Variants in TCP11 observed in about 807,000 individuals in gnomAD.
The protein encoded by TCP11 is T-complex protein 11 homolog.
A neutral mutation model predicts 45.0 loss-of-function variants in TCP11; 34 were observed. The observed-to-expected ratio is 0.76, with a 90% CI of 0.57 to 1.01. The LOEUF (loss-of-function observed/expected upper bound fraction) is 1.01. Ranked by LOEUF, TCP11 falls within the 50% of genes least tolerant of loss-of-function variation. The probability of loss-of-function intolerance (pLI) is 0.00; values close to 1 mark genes in which losing one functional copy is unlikely to be tolerated. For synonymous variants in TCP11, 227 were observed against 227.0 expected, an observed-to-expected ratio of 1.00 and a Z score of 0.00; for missense variants, 523 against 598.1, an observed-to-expected ratio of 0.87 and a Z score of 1.31.
Position 35,120,494 on chromosome 6 carries a change from T to A in TCP11, c.868A>T (p.Met290Leu). 1 of 1,613,478 alleles carries A rather than the reference T, an allele frequency of 6.2e-7. No homozygotes were observed. Among genetic ancestry groups the A allele is most frequent in the East Asian group, 2.2e-5 (1 of 44,872 alleles). The change falls in exon 7 of 10, where the codon ATG becomes TTG. Residue 290 changes from methionine (M) to leucine (L), a missense_variant. Physicochemically the swap from Met to Leu is conservative, Grantham distance 15 (BLOSUM62 2). This residue lies in a region of TCP11 where 298 missense variants were observed against 387.9 expected (regional missense o/e 0.77). Coordinates refer to ENST00000311875, the MANE Select transcript of TCP11 (RefSeq NM_001370687.1). The surrounding 1 kb of genome is among the most constrained non-coding windows in gnomAD (Gnocchi z 4.9). ...TTCAAGAAGCCCTGACACAGCACCA[T>A]TGTGGGGCTGAGGGGCTCTGGGTTG... ...ANNPEPLSPT[M>L]VLCQGFLNLL...
chr6:35,119,435 T>C (rs377136330), intron 8 of TCP11, 44 bp from the exon 9 acceptor site: 5 of 1,603,638 alleles, frequency 3.1e-6, no homozygotes, highest in South Asian at 1.1e-5. Context: ...CAGGTAACCC[T>C]GGCATAGGCC....
intron 2 of TCP11, among the ~76,000 whole-genome samples, chr6:35,139,229 C>T (rs373584491): frequency 6.7e-6 from 1 of 149,470 alleles, no homozygotes; most frequent in South Asian, 2.1e-4. Context: ...TCAACAACAA[C>T]AAAAATTAAA....
rs758899696 is a variant in TCP11, at chr6:35,139,306, C to T, written c.124+1441G>A. Among the ~76,000 whole-genome samples the T allele has an allele frequency of 4.6e-5, 7 of 151,976 alleles. No homozygotes were observed. In the East Asian group the frequency reaches 5.8e-4, roughly 13 times the overall value. ...ATACAGGGAGAGAGAAAAAGCAATA[C>T]GGCAGAATATTAACACTGTGGGCAT... is the stretch of plus-strand genomic sequence containing the variant. On this transcript the variant is annotated intron_variant, in intron 2 of 9. Coordinates refer to ENST00000311875, the MANE Select transcript of TCP11 (RefSeq NM_001370687.1).
chr6:35,127,752 G>A (rs1779992939), intron 4 of TCP11, among the ~76,000 whole-genome samples: 1 of 152,130 alleles, frequency 6.6e-6, no homozygotes, highest in African/African-American at 2.4e-5. Flanking sequence ...AACTATTTGG[G>A]CCATGTCTCC....
chr6:35,125,850 A>G lies in TCP11; in HGVS notation c.357+3212T>C, dbSNP rs574861973. On this transcript the variant is annotated intron_variant, in intron 4 of 9. Transcript: ENST00000311875. ...CCATAAAAAGGAATTACATTCTGAT[A>G]TATGCTACAATATGGATGGACCTTT... 1.5e-3 allele frequency among the ~76,000 whole-genome samples: 225 copies of G among 152,384 alleles called. 4 individuals carry two copies. The highest frequency in any genetic ancestry group is 5.0e-3 in the African/African-American group (210 of 41,594).
chr6:35,127,657 G>A (rs1459074558), intron 4 of TCP11, among the ~76,000 whole-genome samples: 1 of 152,168 alleles, frequency 6.6e-6, no homozygotes, highest in Non-Finnish European at 1.5e-5. Flanking sequence ...GTTGTTAGAA[G>A]TTAAATTTTA....
At chr6:35,139,367 G>A (rs1781472727) in intron 2 of TCP11, among the ~76,000 whole-genome samples, 1 of 151,988 alleles carries the variant, frequency 6.6e-6, no homozygotes, top group African/African-American at 2.4e-5. Context: ...GCAGACTTAC[G>A]ATATTTAAAA....
At chr6:35,139,997 A>G (rs34103100) in intron 2 of TCP11, 24 of 1,613,268 alleles carry the variant, frequency 1.5e-5, no homozygotes, top group Non-Finnish European at 6.8e-6. Context: ...TGTGTGTACA[A>G]AAAAACGGAT....
At chr6:35,130,789 T>C (rs1780339012) in intron 3 of TCP11, among the ~76,000 whole-genome samples, 1 of 152,224 alleles carries the variant, frequency 6.6e-6, no homozygotes, top group Non-Finnish European at 1.5e-5. Flanking sequence ...ACAACCAGTT[T>C]GGAAGGCAGC....
rs1032886319 is a variant in TCP11 at position 35,136,227 on chromosome 6, G to C, written c.125-9C>G. 4.4e-6 allele frequency: 7 copies of C among 1,602,506 alleles called. No homozygotes were observed. In the African/African-American group the frequency reaches 6.7e-5, roughly 15 times the overall value. ...ACCTGTGACAGAAAGAACTGATGGT[G>C]GACAACAATGAGCCCATGCAAGTCT... On this transcript the variant is annotated splice_polypyrimidine_tract_variant and intron_variant, in intron 2 of 9. Coordinates refer to ENST00000311875, the MANE Select transcript of TCP11 (RefSeq NM_001370687.1).
At position 35,136,144 on chromosome 6, in the gene TCP11, C is replaced by T; in HGVS notation, c.199G>A (p.Asp67Asn). The T allele has an allele frequency of 1.9e-6, 3 of 1,613,774 alleles. No individual in the cohort carries two copies. The highest frequency in any genetic ancestry group is 2.5e-6 in the Non-Finnish European group (3 of 1,179,834). ...AAAACCTTCTCTTCCATGTAGTAAT[C>T]ACAATTCATCCCAATCTTGTTGCTC... Reference protein sequence around the residue: ...KLSNKIGMNCDYYMEEKVLPP... With the variant: ...KLSNKIGMNCNYYMEEKVLPP... The change falls in exon 3 of 10, where the codon GAT becomes AAT. Residue 67 changes from aspartate (D) to asparagine (N), a missense_variant. Asp to Asn is a conservative substitution (Grantham distance 23). Transcript: ENST00000311875.
intron 2 of TCP11, among the ~76,000 whole-genome samples, chr6:35,136,571 T>A (rs1781141759): frequency 1.1e-5 from 1 of 91,468 alleles, no homozygotes; most frequent in African/African-American, 4.5e-5. Flanking sequence ...GTATTAAGGT[T>A]CCACGTTCCT....
intron 3 of TCP11, among the ~76,000 whole-genome samples, chr6:35,131,090 T>C (rs1002356988): frequency 6.6e-6 from 1 of 152,088 alleles, no homozygotes; most frequent in African/African-American, 2.4e-5. Flanking sequence ...CTGACCAACA[T>C]GGTGAAAACC....
intron 2 of TCP11, among the ~76,000 whole-genome samples, chr6:35,139,467 A>G (rs185508670): frequency 9.2e-5 from 14 of 152,326 alleles, no homozygotes; most frequent in Admixed American, 9.1e-4. Context: ...CCTTAAGTGG[A>G]CGCTTGAGGT....
At chr6:35,133,573 C>T (rs774384204) in intron 3 of TCP11, among the ~76,000 whole-genome samples, 5 of 151,910 alleles carry the variant, frequency 3.3e-5, no homozygotes, top group Non-Finnish European at 7.4e-5. Flanking sequence ...GGGTGGATCA[C>T]GAGGTCAAGA....
In TCP11 at chr6:35,120,750, T is replaced by C; in HGVS notation, c.716-104A>G. On this transcript the variant is annotated intron_variant, in intron 6 of 9. Transcript: ENST00000311875. This position sits in a 1 kb window ranked among gnomAD's most constrained non-coding sequence, Gnocchi z 4.9. ...ATACTCCTGGTCAATAAATAAATGC[T>C]TTGAGGGTCTTTCTGTCTTAGATAA... 1 of 1,404,062 alleles carries C rather than the reference T, an allele frequency of 7.1e-7. No individual in the cohort carries two copies. The highest frequency in any genetic ancestry group is 1.4e-5 in the South Asian group (1 of 71,722). The allele number at this position is 1,404,062 out of a possible 1,614,324, so 87.0% of individuals were successfully genotyped here.
chr6:35,130,025 C>G (rs1780226316), intron 3 of TCP11, among the ~76,000 whole-genome samples: 1 of 152,100 alleles, frequency 6.6e-6, no homozygotes, highest in South Asian at 2.1e-4. Context: ...TCAAGAAATC[C>G]ACTTGCCTCT....
Position 35,118,264 on chromosome 6 carries a change from C to A in TCP11, c.*5G>T, listed in dbSNP as rs775267768. On this transcript the variant is annotated 3_prime_UTR_variant, in exon 10 of 10. Coordinates refer to ENST00000311875, the MANE Select transcript of TCP11 (RefSeq NM_001370687.1). ...CCAAGGTACCAGGGCTCTGAGCCGA[C>A]GCTATCAAACAGACTCCACTTTTGT... 6.2e-7 allele frequency: 1 copy of A among 1,613,268 alleles called. No individual in the cohort carries two copies. The highest frequency in any genetic ancestry group is 8.5e-7 in the Non-Finnish European group (1 of 1,179,256).
chr6:35,133,818 ATTTACCCAC>A (rs1780734757), intron 3 of TCP11, among the ~76,000 whole-genome samples: 1 of 152,032 alleles, frequency 6.6e-6, no homozygotes, highest in Admixed American at 6.6e-5. Flanking sequence ...TGACACTGAA[ATTTACCCAC>A]TTAATTGTCA....
Sources: gnomAD v4.1 joint callset for allele counts (sites outside exome capture counted in the v4.1 genomes callset) on GRCh38, gnomAD v4.1.1 for gene constraint, gnomAD v4.1.1 regional missense constraint, Gnocchi (gnomAD v3.1) non-coding constraint, MANE v1.5 for transcripts, NCBI Gene and HGNC (gene_info 2026-07-23, HGNC 2026-07-21) for gene names.